Variants in MGAT4C observed in about 807,000 individuals in gnomAD.
MGAT4C encodes MGAT4 family member C.
In MGAT4C, 19 loss-of-function variants were observed where a neutral mutation model predicts 40.1. The ratio of observed to expected loss-of-function variants is 0.47; its 90% CI spans 0.33 to 0.70. The LOEUF (loss-of-function observed/expected upper bound fraction) is 0.70, where lower values mean the gene tolerates loss of function less well. Among genes scored for constraint, MGAT4C ranks in the 30% least tolerant of loss-of-function variants. MGAT4C has a pLI of 0.02. For synonymous variants in MGAT4C, 181 were observed against 187.1 expected, an observed-to-expected ratio of 0.97 and a Z score of 0.27; for missense variants, 491 against 563.2, an observed-to-expected ratio of 0.87 and a Z score of 1.30.
At chr12:85,994,187 A>C (rs1219592920) in intron 2 of MGAT4C, among the ~76,000 whole-genome samples, 1 of 152,248 alleles carries the variant, frequency 6.6e-6, no homozygotes, top group East Asian at 1.9e-4. Context: ...AAACCCCAGG[A>C]TATAATTCCC....
intron 1 of MGAT4C, among the ~76,000 whole-genome samples, chr12:86,223,381 T>C (rs1297931384): frequency 1.3e-5 from 2 of 152,156 alleles, no homozygotes; most frequent in East Asian, 3.9e-4. Context: ...CTGCCACTGC[T>C]ACCCAAGGAC....
chr12:86,571,246 G>T (rs1240905251), intron 2 of MGAT4C, among the ~76,000 whole-genome samples: 1 of 151,876 alleles, frequency 6.6e-6, no homozygotes, highest in East Asian at 1.9e-4. Flanking sequence ...ACATTTTATA[G>T]TAGTGATATT....
intron 2 of MGAT4C, among the ~76,000 whole-genome samples, chr12:86,674,073 C>A (rs1358211954): frequency 6.6e-6 from 1 of 151,676 alleles, no homozygotes; most frequent in Non-Finnish European, 1.5e-5. Flanking sequence ...CATAAAAAAC[C>A]CAAATTTTGA....
chr12:86,379,699 T>C (rs1280029744), intron 3 of MGAT4C, among the ~76,000 whole-genome samples: 2 of 152,150 alleles, frequency 1.3e-5, no homozygotes, highest in African/African-American at 4.8e-5. Context: ...AAAAGTTTAA[T>C]ATAGATAACA....
chr12:86,178,016 A>G (rs1445379812), intron 1 of MGAT4C, among the ~76,000 whole-genome samples: 1 of 152,106 alleles, frequency 6.6e-6, no homozygotes, highest in Non-Finnish European at 1.5e-5. Context: ...GGCTCACTGC[A>G]AGCTCCGCCT....
chr12:85,986,742 G>T (rs779627576), intron 3 of MGAT4C, among the ~76,000 whole-genome samples: 1 of 152,004 alleles, frequency 6.6e-6, no homozygotes, highest in Non-Finnish European at 1.5e-5. Flanking sequence ...TAATCGGGAA[G>T]AAAGAAGAAA....
At chr12:86,314,372 T>C (rs1954150577) in intron 4 of MGAT4C, among the ~76,000 whole-genome samples, 1 of 152,118 alleles carries the variant, frequency 6.6e-6, no homozygotes, top group African/African-American at 2.4e-5. Context: ...CTAGCCAACA[T>C]GGTGAACTGG....
chr12:86,070,120 C>T (rs1053797785), intron 1 of MGAT4C, among the ~76,000 whole-genome samples: 8 of 151,388 alleles, frequency 5.3e-5, no homozygotes, highest in Non-Finnish European at 1.0e-4. Flanking sequence ...CTGGAAATCC[C>T]TTCTCCTAAA....
At chr12:86,518,329 T>A (rs1024830011) in intron 2 of MGAT4C, among the ~76,000 whole-genome samples, 17 of 152,190 alleles carry the variant, frequency 1.1e-4, no homozygotes, top group Non-Finnish European at 2.4e-4. Flanking sequence ...GTACAAAATA[T>A]ACATATATAA....
intron 1 of MGAT4C, among the ~76,000 whole-genome samples, chr12:86,215,156 T>C (rs185570288): frequency 1.8e-4 from 27 of 152,236 alleles, no homozygotes; most frequent in Non-Finnish European, 2.4e-4. Context: ...AGAGTATAAA[T>C]ATATTTTAAA....
At chr12:86,484,922 A>G (rs970170833) in intron 2 of MGAT4C, among the ~76,000 whole-genome samples, 25 of 152,282 alleles carry the variant, frequency 1.6e-4, no homozygotes, top group Non-Finnish European at 2.2e-4. Context: ...CACACAGCTG[A>G]TTTAGAGGCT....
Position 86,444,447 on chromosome 12 carries a change from C to T in MGAT4C, c.-228-9182G>A, listed in dbSNP as rs796247654. ...TACATATAATCTTTCCTGTTGACTA[C>T]CAAATTTAGGTCTGCAACCTGACCT... On this transcript the variant is annotated intron_variant, in intron 2 of 7. Transcript: ENST00000548651. 3.9e-5 allele frequency among the ~76,000 whole-genome samples: 6 copies of T among 152,276 alleles called. 1 individual carries two copies. Among genetic ancestry groups the T allele is most frequent in the African/African-American group, 1.4e-4 (6 of 41,550 alleles).
chr12:86,094,691 TTTTC>T (rs1350522594), intron 1 of MGAT4C, among the ~76,000 whole-genome samples: 3 of 152,174 alleles, frequency 2.0e-5, no homozygotes, highest in Non-Finnish European at 4.4e-5. Context: ...ATCTGTCTTC[TTTTC>T]TTTCTTTTAT....
intron 2 of MGAT4C, among the ~76,000 whole-genome samples, chr12:86,040,862 A>G (rs1891756901): frequency 6.6e-6 from 1 of 152,130 alleles, no homozygotes; most frequent in Non-Finnish European, 1.5e-5. Context: ...TGTTGCGAAA[A>G]CCATGGGAAA....
chr12:86,194,028 C>A (rs1411964403), intron 1 of MGAT4C, among the ~76,000 whole-genome samples: 1 of 151,930 alleles, frequency 6.6e-6, no homozygotes, highest in Admixed American at 6.6e-5. Context: ...GATGCTAAAC[C>A]TTTTGATCAT....
chr12:86,004,231 T>C (rs1390499141), intron 2 of MGAT4C, among the ~76,000 whole-genome samples: 1 of 152,162 alleles, frequency 6.6e-6, no homozygotes, highest in Non-Finnish European at 1.5e-5. Flanking sequence ...ACTTTAACTT[T>C]CCCTAGATTA....
intron 2 of MGAT4C, among the ~76,000 whole-genome samples, chr12:86,616,686 C>T (rs1389435814): frequency 6.6e-6 from 1 of 151,290 alleles, no homozygotes; most frequent in Non-Finnish European, 1.5e-5. Flanking sequence ...TGACTTTCAT[C>T]AAAGTTAACA....
chr12:86,589,178 A>G (rs1050274250), intron 2 of MGAT4C, among the ~76,000 whole-genome samples: 10 of 152,174 alleles, frequency 6.6e-5, no homozygotes, highest in African/African-American at 2.2e-4. Flanking sequence ...AGAAAAAAAG[A>G]GAGAAAAATC....
rs564134245 is a variant in MGAT4C, at chr12:86,276,198, T to C, written c.-57+57867A>G. ...TGATTTTTTTACAAGTATAGGAAATTAATATACTAACATAATTACTTAAAT... is the reference window on the plus strand; with the variant it reads ...TGATTTTTTTACAAGTATAGGAAATCAATATACTAACATAATTACTTAAAT... On this transcript the variant is annotated intron_variant, in intron 4 of 7. Transcript: ENST00000548651. Among the ~76,000 whole-genome samples, 454 of 152,150 alleles carry C rather than the reference T, an allele frequency of 3.0e-3. 2 individuals are homozygous for C. Among genetic ancestry groups the C allele is most frequent in the African/African-American group, 0.01 (433 of 41,554 alleles).
Sources: gnomAD v4.1 joint callset for allele counts (sites outside exome capture counted in the v4.1 genomes callset) on GRCh38, gnomAD v4.1.1 for gene constraint, MANE v1.5 for transcripts, NCBI Gene and HGNC (gene_info 2026-07-23, HGNC 2026-07-21) for gene names.